ZNF382: variants seen among roughly 807,000 people sequenced by gnomAD.
ZNF382 encodes the protein KRAB/zinc finger suppressor protein 1.
A neutral mutation model predicts 38.8 loss-of-function variants in ZNF382; 20 were observed. The ratio of observed to expected loss-of-function variants is 0.51; its 90% CI spans 0.36 to 0.75. The LOEUF (loss-of-function observed/expected upper bound fraction) is 0.75, where lower values mean the gene tolerates loss of function less well. ZNF382 is among the 30% of genes least tolerant of loss of function. The pLI, the probability that ZNF382 is intolerant of heterozygous loss-of-function variation, is 0.00. For missense variants in ZNF382, 546 were observed against 654.1 expected (o/e 0.83, Z 1.80); for synonymous variants, 202 against 223.1 (o/e 0.91, Z 0.84).
intron 4 of ZNF382, among the ~76,000 whole-genome samples, chr19:36,615,607 CTCAAG>C (rs2037120174): frequency 6.6e-6 from 1 of 152,166 alleles, no homozygotes; most frequent in African/African-American, 2.4e-5. Context: ...TAGCCAGCCT[CTCAAG>C]TCATTTCCTT....
In ZNF382 at chr19:36,632,917, G is replaced by C. The variant is rs927228114; in HGVS notation, c.*5367G>C. On this transcript the variant is annotated 3_prime_UTR_variant, in exon 5 of 5. Transcript: ENST00000292928. The stretch of plus-strand genomic sequence containing the variant: ...ATTTCTCCACTCAGTTTCTGGTCTA[G>C]CAATAGAGCCAGGCTTGCCATGTCC... 6.6e-6 allele frequency: 1 copy of C among 152,186 alleles called. No individual in the cohort carries two copies. The highest frequency in any genetic ancestry group is 2.4e-5 in the African/African-American group (1 of 41,420). The allele number at this position is 152,186 out of a possible 1,614,324, so 9.4% of individuals were successfully genotyped here.
rs1429066661 is a variant in ZNF382 at position 36,626,930 on chromosome 19, A to T, written c.1033A>T (p.Thr345Ser). Residue 345 changes from threonine (T) to serine (S), a missense_variant, in exon 5 of 5, where the codon ACA (threonine) becomes TCA (serine). Transcript: ENST00000292928. ...GACAGCCCTCACCCTTCATGAGAAA[A>T]CACATATAGAGGGGAAACCCTTTAT... The part of the protein sequence containing the change: ...QKTALTLHEK[T>S]HIEGKPFICI... 1.2e-6 allele frequency: 2 copies of T among 1,614,036 alleles called. No homozygotes were observed. Among genetic ancestry groups the T allele is most frequent in the African/African-American group, 2.7e-5 (2 of 74,932 alleles).
chr19:36,614,489 C>T (rs1401552515), intron 4 of ZNF382, among the ~76,000 whole-genome samples: 1 of 152,152 alleles, frequency 6.6e-6, no homozygotes, highest in African/African-American at 2.4e-5. Flanking sequence ...AATATTGAGT[C>T]CTGTGGTTCA....
rs1278850481 is a variant in ZNF382, at chr19:36,627,490, T to C, written c.1593T>C (p.Cys531=). Residue 531 remains cysteine (C), a synonymous_variant, in exon 5 of 5, where the codon TGT becomes TGC. Transcript: ENST00000292928. ...ECKQCGKFFS[C]KSNLIVHQKT... ...AACAGTGTGGGAAGTTCTTCAGTTG[T>C]AAGTCAAACCTCATTGTCCATCAGA... The C allele has an allele frequency of 6.2e-7, 1 of 1,614,068 alleles. No individual in the cohort carries two copies. Among genetic ancestry groups the C allele is most frequent in the South Asian group, 1.1e-5 (1 of 91,090 alleles).
At chr19:36,620,058 A>G (rs1366396478) in intron 4 of ZNF382, among the ~76,000 whole-genome samples, 2 of 152,104 alleles carry the variant, frequency 1.3e-5, no homozygotes, top group East Asian at 1.9e-4. Context: ...ACCTATCAGA[A>G]AAATAAAAAT....
In ZNF382 at chr19:36,632,299, C is replaced by T. The variant is rs1600399932; in HGVS notation, c.*4749C>T. ...CGCCTCCCAGGTTCAAGCAAGTCTCCTGCCACAGCCTCCCTAAGTATCTGG... is the reference window on the plus strand; with the variant it reads ...CGCCTCCCAGGTTCAAGCAAGTCTCTTGCCACAGCCTCCCTAAGTATCTGG... On this transcript the variant is annotated 3_prime_UTR_variant, in exon 5 of 5. Coordinates refer to ENST00000292928, the MANE Select transcript of ZNF382 (RefSeq NM_032825.5). 6.6e-6 allele frequency: 1 copy of T among 152,446 alleles called. No individual in the cohort carries two copies. Among genetic ancestry groups the T allele is most frequent in the South Asian group, 2.1e-4 (1 of 4,824 alleles). The allele number at this position is 152,446 out of a possible 1,614,324, so 9.4% of individuals were successfully genotyped here.
chr19:36,607,556 G>T lies in ZNF382; in HGVS notation c.-80G>T. 6.5e-7 allele frequency: 1 copy of T among 1,528,918 alleles called. No homozygotes were observed. Among genetic ancestry groups the T allele is most frequent in the Non-Finnish European group, 8.8e-7 (1 of 1,141,298 alleles). 94.7% of individuals were successfully genotyped at this position (1,528,918 alleles called of 1,614,324 possible). ...CCTCCATCTTTGCTTTCTCAGGACT[G>T]TTTCTTTTTCCAAAAGAGGAGCTCA... On this transcript the variant is annotated 5_prime_UTR_variant, in exon 2 of 5. Transcript: ENST00000292928.
chr19:36,619,072 A>G (rs1006813717), intron 4 of ZNF382, among the ~76,000 whole-genome samples: 3 of 152,188 alleles, frequency 2.0e-5, no homozygotes, highest in Non-Finnish European at 4.4e-5. Flanking sequence ...TGTCCAGACC[A>G]GCAGTTCTCA....
chr19:36,619,147 G>A lies in ZNF382; in HGVS notation c.233-6983G>A, dbSNP rs61677514. On this transcript the variant is annotated intron_variant, in intron 4 of 4. Transcript: ENST00000292928. Reference sequence around the variant, plus strand: ...TTAAGAACTTAGAAGAACTTTGTGCGCATATGTCTGTGTGTATGGCATTGT... The same window carrying A: ...TTAAGAACTTAGAAGAACTTTGTGCACATATGTCTGTGTGTATGGCATTGT... Among the ~76,000 whole-genome samples the A allele has an allele frequency of 7.0e-3, 1,060 of 152,290 alleles. 10 individuals carry two copies. The highest frequency in any genetic ancestry group is 0.024 in the African/African-American group (988 of 41,556).
At chr19:36,621,983 T>G (rs1054860814) in intron 4 of ZNF382, among the ~76,000 whole-genome samples, 4 of 151,862 alleles carry the variant, frequency 2.6e-5, no homozygotes, top group Non-Finnish European at 5.9e-5. Context: ...TGATAGCAGC[T>G]GTTAATTCAG....
chr19:36,615,173 A>G (rs1245377469), intron 4 of ZNF382, among the ~76,000 whole-genome samples: 1 of 151,446 alleles, frequency 6.6e-6, no homozygotes, highest in Non-Finnish European at 1.5e-5. Flanking sequence ...TTTTTAGTAG[A>G]GACTGAGTTT....
chr19:36,610,254 A>C (rs954046720), intron 3 of ZNF382, among the ~76,000 whole-genome samples: 3 of 152,112 alleles, frequency 2.0e-5, no homozygotes, highest in Non-Finnish European at 2.9e-5. Context: ...CCAGGAGTTC[A>C]AGACCAGCCT....
At chr19:36,620,811 T>C (rs2037163062) in intron 4 of ZNF382, among the ~76,000 whole-genome samples, 1 of 151,870 alleles carries the variant, frequency 6.6e-6, no homozygotes, top group Admixed American at 6.6e-5. Context: ...CAGGCTGGAG[T>C]GCAATGGCAT....
At chr19:36,612,182 T>A (rs1192113388) in intron 4 of ZNF382, among the ~76,000 whole-genome samples, 1 of 152,262 alleles carries the variant, frequency 6.6e-6, no homozygotes, top group African/African-American at 2.4e-5. Flanking sequence ...ATCACAGTTG[T>A]GATGTCTACC....
rs1033267812 is a variant in ZNF382 at position 36,634,011 on chromosome 19, T to A, written c.*6461T>A. ...TTTGTATCCTGCTTGTGGTCATAGA[T>A]AAAAAATCTATGCATGTGTAAAAAA... On this transcript the variant is annotated 3_prime_UTR_variant, in exon 5 of 5. Coordinates refer to ENST00000292928, the MANE Select transcript of ZNF382 (RefSeq NM_032825.5). 6.8e-6 allele frequency: 1 copy of A among 146,704 alleles called. No homozygotes were observed. Among genetic ancestry groups the A allele is most frequent in the African/African-American group, 2.4e-5 (1 of 41,198 alleles). The allele number at this position is 146,704 out of a possible 1,614,324, so 9.1% of individuals were successfully genotyped here. A position where few individuals can be genotyped will look rare whatever the true frequency, so the allele number is the denominator to read the frequency against.
At chr19:36,608,595 A>G (rs565932120) in intron 2 of ZNF382, 4 of 152,160 alleles carry the variant, frequency 2.6e-5, no homozygotes, top group Non-Finnish European at 5.9e-5. Context: ...GTTTTTCTCT[A>G]CGCACAATCA....
At chr19:36,620,172 T>C (rs1276012712) in intron 4 of ZNF382, among the ~76,000 whole-genome samples, 2 of 152,178 alleles carry the variant, frequency 1.3e-5, no homozygotes, top group Admixed American at 6.5e-5. Flanking sequence ...CATCCCATTC[T>C]CACCATGAGA....
At position 36,626,146 on chromosome 19, in the gene ZNF382, T is replaced by A. The variant is rs1420842925; in HGVS notation, c.249T>A (p.Thr83=). ...SYSYLEEDGK[T]EDVLVKFKEY... is the part of the protein sequence containing the mutation. ...CTTTTCTAGAAGAAGATGGGAAAAC[T>A]GAAGATGTCTTAGTGAAGTTCAAAG... Residue 83 remains threonine (T), a synonymous_variant, in exon 5 of 5, where the codon ACT becomes ACA. Transcript: ENST00000292928. 1.3e-6 allele frequency: 2 copies of A among 1,544,516 alleles called. No homozygotes were observed. Among genetic ancestry groups the A allele is most frequent in the Admixed American group, 2.2e-5 (1 of 45,300 alleles).
intron 1 of ZNF382, among the ~76,000 whole-genome samples, chr19:36,607,223 A>G (rs2037040470): frequency 6.6e-6 from 1 of 152,182 alleles, no homozygotes; most frequent in East Asian, 1.9e-4. Flanking sequence ...GTCCAAGAAG[A>G]ACCGTTTGGA....
Sources: allele counts gnomAD v4.1 joint callset (sites outside exome capture counted in the v4.1 genomes callset), GRCh38; gene constraint gnomAD v4.1.1; transcripts MANE v1.5; gene names NCBI Gene and HGNC (gene_info 2026-07-23, HGNC 2026-07-21).